Variants in STK39 observed in about 807,000 individuals in gnomAD.
STK39 encodes serine/threonine kinase 39.
In STK39, 20 loss-of-function variants were observed where a neutral mutation model predicts 77.8. The ratio of observed to expected loss-of-function variants is 0.26; its 90% CI spans 0.18 to 0.37. The LOEUF (loss-of-function observed/expected upper bound fraction) is 0.37, where lower values mean the gene tolerates loss of function less well. Among genes scored for constraint, STK39 ranks in the 10% least tolerant of loss-of-function variants. The pLI is 1.00. For synonymous variants in STK39, 246 were observed against 234.1 expected (o/e 1.05, Z -0.47); for missense variants, 479 against 656.5 (o/e 0.73, Z 2.95).
At chr2:168,239,344 G>A (rs950535) in intron 1 of STK39, among the ~76,000 whole-genome samples, 52,439 of 152,078 alleles carry the variant, frequency 0.34, 9,638 homozygotes, top group Non-Finnish European at 0.43. Context: ...CAATGTCTAC[G>A]GATGCCAGAA....
chr2:168,216,085 G>A (rs529107276), intron 1 of STK39, among the ~76,000 whole-genome samples: 1 of 152,272 alleles, frequency 6.6e-6, no homozygotes, highest in Admixed American at 6.5e-5. Context: ...AATGTGAGGA[G>A]AAACCTCACA....
intron 7 of STK39, 106 bp downstream of exon 7, chr2:168,140,183 A>G: frequency 1.0e-6 from 1 of 997,788 alleles, no homozygotes; most frequent in Non-Finnish European, 1.6e-6. Flanking sequence ...TCCTCCATTA[A>G]TTCTCCTCGG....
At chr2:168,063,618 G>T in intron 13 of STK39, 48 bp from the exon 14 acceptor site, 1 of 1,522,004 alleles carries the variant, frequency 6.6e-7, no homozygotes, top group South Asian at 1.2e-5. Context: ...ATCAGGAAAG[G>T]AATGAATAAA....
intron 14 of STK39, among the ~76,000 whole-genome samples, chr2:168,028,659 T>C (rs1004599492): frequency 6.6e-6 from 1 of 152,212 alleles, no homozygotes; most frequent in Non-Finnish European, 1.5e-5. Context: ...TAGATCACTG[T>C]TCTTTTCAAT....
intron 1 of STK39, among the ~76,000 whole-genome samples, chr2:168,245,921 T>C (rs896674266): frequency 1.3e-5 from 2 of 152,150 alleles, no homozygotes; most frequent in Non-Finnish European, 2.9e-5. Context: ...TATCCTAGGT[T>C]ACGGACCTGC....
chr2:168,196,043 A>G (rs1293350055), intron 1 of STK39, among the ~76,000 whole-genome samples: 1 of 152,216 alleles, frequency 6.6e-6, no homozygotes, highest in Non-Finnish European at 1.5e-5. Context: ...GAATTCTACC[A>G]CTATAAATGG....
chr2:168,239,809 T>C (rs911384321), intron 1 of STK39, among the ~76,000 whole-genome samples: 7 of 152,100 alleles, frequency 4.6e-5, no homozygotes, highest in African/African-American at 1.7e-4. Context: ...AATTTGCAGA[T>C]AGTGTGACAA....
intron 10 of STK39, among the ~76,000 whole-genome samples, chr2:168,098,476 A>G (rs1191652797): frequency 6.6e-6 from 1 of 152,166 alleles, no homozygotes; most frequent in African/African-American, 2.4e-5. Flanking sequence ...TTATTGCACC[A>G]CGTATGCCTG....
At chr2:168,240,242 A>C (rs1690725776) in intron 1 of STK39, among the ~76,000 whole-genome samples, 1 of 152,198 alleles carries the variant, frequency 6.6e-6, no homozygotes, top group African/African-American at 2.4e-5. Context: ...GCAAGAGACA[A>C]TTCCCAAAAG....
At chr2:167,995,137 T>G (rs980876703) in intron 16 of STK39, among the ~76,000 whole-genome samples, 1 of 151,788 alleles carries the variant, frequency 6.6e-6, no homozygotes, top group African/African-American at 2.4e-5. Context: ...TGAGACAGAG[T>G]CTCGCTCTGT....
rs1296705474 is a variant in STK39, at chr2:168,072,638, C to A, written c.1242+2344G>T. Among the ~76,000 whole-genome samples the A allele has an allele frequency of 2.0e-5, 3 of 152,224 alleles. No homozygotes were observed. In the East Asian group the frequency reaches 5.8e-4, roughly 29 times the overall value. On this transcript the variant is annotated intron_variant, in intron 12 of 17. Transcript: ENST00000355999. ...ATCCCTTAAACCTACTAAGACAGGG[C>A]ACATAGTAGGGACATAATACATATT... is the stretch of plus-strand genomic sequence containing the variant.
At chr2:168,013,010 G>A (rs1475880305) in intron 15 of STK39, among the ~76,000 whole-genome samples, 2 of 152,218 alleles carry the variant, frequency 1.3e-5, no homozygotes, top group Admixed American at 6.5e-5. Flanking sequence ...AGTTATAACT[G>A]TTCCCTATGA....
chr2:168,005,671 G>A (rs1684114726), intron 16 of STK39, among the ~76,000 whole-genome samples: 2 of 152,126 alleles, frequency 1.3e-5, no homozygotes, highest in South Asian at 2.1e-4. Context: ...AGACAAGCAC[G>A]CAGTAGTACA....
At chr2:167,997,747 C>T (rs1408215942) in intron 16 of STK39, among the ~76,000 whole-genome samples, 1 of 152,176 alleles carries the variant, frequency 6.6e-6, no homozygotes. Flanking sequence ...TCATACAGCT[C>T]CTCAAAAGAG....
At chr2:168,002,410 C>CA (rs1003679122) in intron 16 of STK39, among the ~76,000 whole-genome samples, 9 of 152,150 alleles carry the variant, frequency 5.9e-5, no homozygotes, top group African/African-American at 1.9e-4. Flanking sequence ...TCCCCATCCC[C>CA]AAATCGGAAG....
At chr2:168,163,149 A>C (rs1276996079) in intron 4 of STK39, among the ~76,000 whole-genome samples, 4 of 152,206 alleles carry the variant, frequency 2.6e-5, no homozygotes, top group African/African-American at 9.6e-5. Context: ...CTAAGAGCCC[A>C]AGTAGCACTC....
chr2:168,179,297 T>C (rs1427154553), intron 2 of STK39, among the ~76,000 whole-genome samples: 1 of 152,180 alleles, frequency 6.6e-6, no homozygotes, highest in East Asian at 1.9e-4. Context: ...GTATTAGACA[T>C]TGAAAAGATG....
At chr2:168,031,375 C>G (rs1684829614) in intron 14 of STK39, among the ~76,000 whole-genome samples, 1 of 152,110 alleles carries the variant, frequency 6.6e-6, no homozygotes, top group African/African-American at 2.4e-5. Context: ...CAGGGATGCC[C>G]CTTCTTAAGC....
chr2:167,993,122 G>A (rs2105285357), intron 16 of STK39, among the ~76,000 whole-genome samples: 1 of 152,334 alleles, frequency 6.6e-6, no homozygotes, highest in Admixed American at 6.5e-5. Context: ...AGAATCATCT[G>A]CACCCAGAAT....
Sources: gnomAD v4.1 joint callset for allele counts (sites outside exome capture counted in the v4.1 genomes callset) on GRCh38, gnomAD v4.1.1 for gene constraint, MANE v1.5 for transcripts, NCBI Gene and HGNC (gene_info 2026-07-23, HGNC 2026-07-21) for gene names.